Variants in SEZ6L observed in about 807,000 individuals in gnomAD.
The protein encoded by SEZ6L is seizure 6-like protein.
SEZ6L carries 37 observed loss-of-function variants against 106.2 expected under a neutral mutation model. That is an observed-to-expected ratio of 0.35 (90% CI 0.27 to 0.46). The LOEUF is 0.46. Ranked by LOEUF, SEZ6L falls within the 20% of genes least tolerant of loss-of-function variation. The pLI is 1.00. For synonymous variants in SEZ6L, 541 were observed against 570.4 expected, an observed-to-expected ratio of 0.95 and a Z score of 0.73; for missense variants, 1,172 against 1,332.8, an observed-to-expected ratio of 0.88 and a Z score of 1.88.
chr22:26,362,994 T>G (rs1037532995), intron 12 of SEZ6L, among the ~76,000 whole-genome samples: 1 of 152,238 alleles, frequency 6.6e-6, no homozygotes, highest in Non-Finnish European at 1.5e-5. Context: ...AAGTGATACA[T>G]TTAAATGCCT....
rs146559583 is a variant in SEZ6L, at chr22:26,297,060, C to T, written c.1142C>T (p.Thr381Ile). The T allele has an allele frequency of 3.7e-6, 6 of 1,613,010 alleles. No homozygotes were observed. The highest frequency in any genetic ancestry group is 1.7e-5 in the Admixed American group (1 of 59,926). ...FRTFQDDGLG[T>I]FQLHYQAFML... ...ACCTTCCAGGACGACGGCCTTGGGA[C>T]CTTCCAGCTTCACTACCAGGGTAGG... The change falls in exon 4 of 17, where the codon ACC (threonine) becomes ATC (isoleucine). Residue 381 changes from threonine to isoleucine, a missense_variant. By Grantham distance (89) the Thr-to-Ile change is moderately conservative (BLOSUM62 -1). This residue lies in a region of SEZ6L where 534 missense variants were observed against 691.0 expected (regional missense o/e 0.77). Transcript: ENST00000248933.
chr22:26,271,177 A>C (rs142985959), intron 1 of SEZ6L, among the ~76,000 whole-genome samples: 134 of 152,360 alleles, frequency 8.8e-4, no homozygotes, highest in African/African-American at 3.1e-3. Context: ...ACTATAGAAC[A>C]GCAATAAAAT....
At chr22:26,354,989 A>G (rs1309792338) in intron 12 of SEZ6L, among the ~76,000 whole-genome samples, 3 of 152,216 alleles carry the variant, frequency 2.0e-5, no homozygotes, top group African/African-American at 7.2e-5. Context: ...AGGAGGCGAG[A>G]GATGGTCCGA....
intron 5 of SEZ6L, among the ~76,000 whole-genome samples, chr22:26,301,360 T>C (rs1339945190): frequency 6.6e-6 from 1 of 152,226 alleles, no homozygotes; most frequent in Admixed American, 6.5e-5. Context: ...GAGCGCCCAC[T>C]GTGTGGTAGG....
chr22:26,267,548 G>A (rs2080229312), intron 1 of SEZ6L, among the ~76,000 whole-genome samples: 1 of 152,176 alleles, frequency 6.6e-6, no homozygotes, highest in African/African-American at 2.4e-5. Context: ...GAGGGAGTAG[G>A]GGGGAAATTC....
At chr22:26,353,934 C>T (rs2083356592) in intron 12 of SEZ6L, among the ~76,000 whole-genome samples, 1 of 151,604 alleles carries the variant, frequency 6.6e-6, no homozygotes, top group Admixed American at 6.6e-5. Flanking sequence ...ATTAGAACTT[C>T]AAAGTTCTAA....
intron 11 of SEZ6L, among the ~76,000 whole-genome samples, chr22:26,349,729 C>G (rs1404968114): frequency 6.6e-6 from 1 of 152,068 alleles, no homozygotes; most frequent in Non-Finnish European, 1.5e-5. Flanking sequence ...GTCTCAAACT[C>G]CTGGCCTCAG....
chr22:26,239,944 A>G (rs1440412541), intron 1 of SEZ6L, among the ~76,000 whole-genome samples: 5 of 143,782 alleles, frequency 3.5e-5, no homozygotes, highest in African/African-American at 1.0e-4. Flanking sequence ...CCTTCACCTC[A>G]CCCTTGGCTT....
intron 6 of SEZ6L, among the ~76,000 whole-genome samples, chr22:26,309,456 G>A (rs189407186): frequency 1.5e-3 from 224 of 152,302 alleles, no homozygotes; most frequent in Middle Eastern, 6.8e-3. Context: ...ATCCAGATGG[G>A]GAATTGAGAA....
chr22:26,285,306 G>A (rs570277166), intron 1 of SEZ6L, among the ~76,000 whole-genome samples: 22 of 152,280 alleles, frequency 1.4e-4, no homozygotes, highest in South Asian at 4.1e-4. Flanking sequence ...TGCCCGAGAC[G>A]GAAACTCGGC....
intron 9 of SEZ6L, among the ~76,000 whole-genome samples, chr22:26,315,750 C>T (rs899991591): frequency 1.3e-5 from 2 of 152,108 alleles, no homozygotes; most frequent in Non-Finnish European, 2.9e-5. Context: ...AGCCCATTGC[C>T]TCACTCCTCA....
intron 9 of SEZ6L, among the ~76,000 whole-genome samples, chr22:26,340,059 A>AC (rs2082777571): frequency 6.6e-6 from 1 of 151,930 alleles, no homozygotes; most frequent in East Asian, 1.9e-4. Flanking sequence ...ACACGGTGAA[A>AC]CCCCATCTCT....
chr22:26,259,356 A>C (rs1012547331), intron 1 of SEZ6L, among the ~76,000 whole-genome samples: 1 of 152,214 alleles, frequency 6.6e-6, no homozygotes, highest in African/African-American at 2.4e-5. Flanking sequence ...ATGATTTCAA[A>C]ATAGAGTTTA....
At chr22:26,185,678 C>T (rs1211041593) in intron 1 of SEZ6L, among the ~76,000 whole-genome samples, 1 of 152,118 alleles carries the variant, frequency 6.6e-6, no homozygotes, top group Non-Finnish European at 1.5e-5. Context: ...ATTATGTCCA[C>T]CATTTATATG....
chr22:26,376,109 C>G (rs2084214515), intron 15 of SEZ6L, among the ~76,000 whole-genome samples: 1 of 151,946 alleles, frequency 6.6e-6, no homozygotes, highest in Admixed American at 6.6e-5. Flanking sequence ...GATATTAAAC[C>G]ATGCACCAGA....
intron 12 of SEZ6L, among the ~76,000 whole-genome samples, chr22:26,363,131 A>G (rs1030388932): frequency 6.6e-6 from 1 of 152,250 alleles, no homozygotes; most frequent in African/African-American, 2.4e-5. Flanking sequence ...GCCATGTAAC[A>G]ATGTGAACCC....
intron 1 of SEZ6L, among the ~76,000 whole-genome samples, chr22:26,174,666 G>T (rs894503204): frequency 6.6e-6 from 1 of 152,172 alleles, no homozygotes; most frequent in African/African-American, 2.4e-5. Flanking sequence ...TAATCCTCTG[G>T]TTACTGTAGT....
chr22:26,376,588 A>T (rs1354347432), intron 15 of SEZ6L, among the ~76,000 whole-genome samples: 1 of 152,104 alleles, frequency 6.6e-6, no homozygotes, highest in Non-Finnish European at 1.5e-5. Flanking sequence ...CTAAAAAAAT[A>T]AAAAATAAAA....
At chr22:26,262,978 C>T (rs1402802671) in intron 1 of SEZ6L, among the ~76,000 whole-genome samples, 1 of 152,172 alleles carries the variant, frequency 6.6e-6, no homozygotes, top group African/African-American at 2.4e-5. Context: ...ATAGTCTTGC[C>T]CTGCTATATT....
Sources: allele counts gnomAD v4.1 joint callset (sites outside exome capture counted in the v4.1 genomes callset), GRCh38; gene constraint gnomAD v4.1.1; regional missense constraint gnomAD v4.1.1; transcripts MANE v1.5; gene names NCBI Gene and HGNC (gene_info 2026-07-23, HGNC 2026-07-21).